Variants in TRIB3 observed in about 807,000 individuals in gnomAD.
The protein encoded by TRIB3 is tribbles pseudokinase 3, also known as tribbles homolog 3.
A neutral mutation model predicts 16.6 loss-of-function variants in TRIB3; 20 were observed. The ratio of observed to expected loss-of-function variants is 1.20; its 90% CI spans 0.85 to 1.75. The LOEUF is 1.75. Ranked by LOEUF, TRIB3 falls within the 40% of genes most tolerant of loss-of-function variation. The pLI, the probability that TRIB3 is intolerant of heterozygous loss-of-function variation, is 0.00. For synonymous variants in TRIB3, 208 were observed against 217.0 expected (o/e 0.96, Z 0.36); for missense variants, 484 against 488.9 (o/e 0.99, Z 0.10).
At chr20:383,409 G>A (rs1384135133) in intron 1 of TRIB3, among the ~76,000 whole-genome samples, 1 of 152,172 alleles carries the variant, frequency 6.6e-6, no homozygotes, top group Non-Finnish European at 1.5e-5. Context: ...ATTAATTGCT[G>A]AATCAAAGCT....
chr20:392,813 C>T (rs1216992521), intron 3 of TRIB3, among the ~76,000 whole-genome samples: 5 of 152,120 alleles, frequency 3.3e-5, no homozygotes, highest in African/African-American at 1.2e-4. Context: ...CTGCCTCGGC[C>T]TCCCAAAGTG....
At chr20:390,185 G>A (rs1305548782) in intron 2 of TRIB3, among the ~76,000 whole-genome samples, 2 of 151,936 alleles carry the variant, frequency 1.3e-5, no homozygotes, top group African/African-American at 4.8e-5. Flanking sequence ...AAAATTAGCC[G>A]GGCATGGTGG....
intron 2 of TRIB3, 148 bp from the exon 3 acceptor site, chr20:391,139 T>C: frequency 2.3e-6 from 2 of 861,602 alleles, no homozygotes; most frequent in South Asian, 1.6e-5. Context: ...TATAGGACCA[T>C]GGTCAGGGCT....
At chr20:386,884 G>A (rs11906087) in intron 1 of TRIB3, among the ~76,000 whole-genome samples, 253 of 151,596 alleles carry the variant, frequency 1.7e-3, no homozygotes, top group African/African-American at 5.7e-3. Flanking sequence ...GCTGCTACCT[G>A]GGATTACAGG....
intron 3 of TRIB3, 76 bp from the exon 4 acceptor site, chr20:396,122 C>T: frequency 6.5e-7 from 1 of 1,537,606 alleles, no homozygotes; most frequent in Non-Finnish European, 8.8e-7. Context: ...GTGGGTGCCA[C>T]AAGGGTGATA....
rs758990580 is a variant in TRIB3, at chr20:388,164, C to G, written c.154C>G (p.Pro52Ala). The G allele has an allele frequency of 3.1e-6, 5 of 1,613,978 alleles. No individual in the cohort carries two copies. In the Admixed American group the frequency reaches 6.7e-5, roughly 22 times the overall value. The change falls in exon 2 of 4, where the codon CCA becomes GCA. Residue 52 changes from proline to alanine, a missense_variant. Pro to Ala is a conservative substitution (Grantham distance 27, BLOSUM62 -1). Transcript: ENST00000217233. ...RLPPCLLPLSPPTAPDRATAV... is the reference protein window; with the variant it reads ...RLPPCLLPLSAPTAPDRATAV... The stretch of plus-strand genomic sequence containing the variant: ...GCCCCCCTGCCTGTTGCCCCTGAGC[C>G]CACCTACTGCTCCAGATCGTGCAAC...
chr20:394,444 G>A (rs568089890), intron 3 of TRIB3, among the ~76,000 whole-genome samples: 9 of 152,086 alleles, frequency 5.9e-5, no homozygotes, highest in Non-Finnish European at 1.0e-4. Context: ...TTAGGCTTAG[G>A]GTAGATACAA....
Position 388,004 on chromosome 20 carries a change from T to A in TRIB3, c.1-7T>A. On this transcript the variant is annotated splice_region_variant and splice_polypyrimidine_tract_variant and intron_variant, in intron 1 of 3. Transcript: ENST00000217233. The stretch of plus-strand genomic sequence containing the variant: ...TCACTTTAGTGCTTTTCTCTCCTTT[T>A]TACCAGATGCGAGCCACCCCTCTGG... The A allele has an allele frequency of 6.2e-7, 1 of 1,609,768 alleles. No homozygotes were observed. The highest frequency in any genetic ancestry group is 2.2e-5 in the East Asian group (1 of 44,758).
intron 1 of TRIB3, among the ~76,000 whole-genome samples, chr20:382,229 T>C (rs1282173817): frequency 6.6e-6 from 1 of 152,172 alleles, no homozygotes; most frequent in Non-Finnish European, 1.5e-5. Context: ...GCTGCTTTCA[T>C]TCCACATCAC....
intron 3 of TRIB3, among the ~76,000 whole-genome samples, chr20:395,370 A>G (rs780220133): frequency 4.6e-5 from 7 of 152,010 alleles, no homozygotes; most frequent in East Asian, 3.9e-4. Flanking sequence ...CGTGTTGCCC[A>G]GGCTGGTCTT....
At chr20:390,510 C>A (rs2014942250) in intron 2 of TRIB3, among the ~76,000 whole-genome samples, 1 of 152,148 alleles carries the variant, frequency 6.6e-6, no homozygotes, top group South Asian at 2.1e-4. Flanking sequence ...CCCGTGCAGG[C>A]CCAGGGCCAG....
At chr20:396,155 T>C (rs1394088467) in intron 3 of TRIB3, 43 bp from the exon 4 acceptor site, 3 of 1,569,440 alleles carry the variant, frequency 1.9e-6, no homozygotes, top group Non-Finnish European at 2.6e-6. Context: ...GGCATGGGGG[T>C]TCTGGGTAGG....
intron 2 of TRIB3, among the ~76,000 whole-genome samples, chr20:389,651 CTT>C (rs2122685724): frequency 6.6e-6 from 1 of 152,188 alleles, no homozygotes; most frequent in East Asian, 1.9e-4. Context: ...ATCACAGGCT[CTT>C]TTCCACTCCC....
chr20:382,397 G>C (rs112847296), intron 1 of TRIB3: 22,422 of 832,352 alleles, frequency 0.027, 574 homozygotes, highest in Middle Eastern at 0.098. Context: ...ATGTGGCACA[G>C]GCCAGAGGGA....
chr20:381,898 G>T (rs960216893), intron 1 of TRIB3, among the ~76,000 whole-genome samples: 3 of 152,176 alleles, frequency 2.0e-5, no homozygotes, highest in African/African-American at 4.8e-5. Context: ...CGGGGAGGGC[G>T]GGGGACGACA....
In TRIB3 at chr20:396,774, C is replaced by CAAACCTTCAGTGCCTTCCAG; in HGVS notation, c.*87_*106dup. The CAAACCTTCAGTGCCTTCCAG allele has an allele frequency of 6.6e-7, 1 of 1,513,980 alleles. No individual in the cohort carries two copies. Among genetic ancestry groups the CAAACCTTCAGTGCCTTCCAG allele is most frequent in the South Asian group, 1.3e-5 (1 of 76,842 alleles). The allele number at this position is 1,513,980 out of a possible 1,614,324, so 93.8% of individuals were successfully genotyped here. ...GCCTTCTCCTGCCTCTGAACTGAGC[C>CAAACCTTCAGTGCCTTCCAG]AAACCTTCAGTGCCTTCCAGAAGGG... On this transcript the variant is annotated 3_prime_UTR_variant, in exon 4 of 4. Coordinates refer to ENST00000217233, the MANE Select transcript of TRIB3 (RefSeq NM_021158.5).
Position 396,878 on chromosome 20 carries a change from C to A in TRIB3, c.*188C>A. 1 of 840,032 alleles carries A rather than the reference C, an allele frequency of 1.2e-6. No homozygotes were observed. The highest frequency in any genetic ancestry group is 1.8e-6 in the Non-Finnish European group (1 of 570,012). The allele number at this position is 840,032 out of a possible 1,614,324, so 52.0% of individuals were successfully genotyped here. On this transcript the variant is annotated 3_prime_UTR_variant, in exon 4 of 4. Transcript: ENST00000217233. ...CACACATGCAGTTCCTGCTTGGGTG[C>A]TTATCAGGTGCCAAGCCCTGTTCTC...
Position 388,217 on chromosome 20 carries a change from GC to G in TRIB3, c.210del (p.Tyr71MetfsTer139). On this transcript the variant is annotated frameshift_variant, in exon 2 of 4. Coordinates refer to ENST00000217233, the MANE Select transcript of TRIB3 (RefSeq NM_021158.5). LOFTEE classifies it high-confidence loss of function. Reference sequence around the variant, plus strand: ...CTGTGGCCACTGCCTCCCGTCTTGGGCCCTATGTCCTCCTGGAGCCCGAGGA... The same window carrying G: ...CTGTGGCCACTGCCTCCCGTCTTGGGCCTATGTCCTCCTGGAGCCCGAGGA... ...TAVATASRLG[P>X]YVLLEPEEGG... 6.2e-7 allele frequency: 1 copy of G among 1,613,870 alleles called. No homozygotes were observed. Among genetic ancestry groups the G allele is most frequent in the Non-Finnish European group, 8.5e-7 (1 of 1,180,022 alleles).
Position 396,371 on chromosome 20 carries a change from C to T in TRIB3, c.758C>T (p.Thr253Ile). 1 of 1,613,558 alleles carries T rather than the reference C, an allele frequency of 6.2e-7. No homozygotes were observed. The highest frequency in any genetic ancestry group is 8.5e-7 in the Non-Finnish European group (1 of 1,180,044). ...TGGAGCCTGGGCGTGGCGCTCTTCA[C>T]CATGCTGGCCGGCCACTACCCCTTC... The part of the protein sequence containing the change: ...DVWSLGVALF[T>I]MLAGHYPFQD... Residue 253 changes from threonine (T) to isoleucine (I), a missense_variant, in exon 4 of 4, where the codon ACC becomes ATC. Physicochemically the swap from Thr to Ile is moderately conservative, Grantham distance 89. Coordinates refer to ENST00000217233, the MANE Select transcript of TRIB3 (RefSeq NM_021158.5).
Sources: gnomAD v4.1 joint callset for allele counts (sites outside exome capture counted in the v4.1 genomes callset) on GRCh38, gnomAD v4.1.1 for gene constraint, MANE v1.5 for transcripts, NCBI Gene and HGNC (gene_info 2026-07-23, HGNC 2026-07-21) for gene names.